RXFP1: variants seen among roughly 807,000 people sequenced by gnomAD.
The protein encoded by RXFP1 is relaxin receptor 1.
A neutral mutation model predicts 89.8 loss-of-function variants in RXFP1; 73 were observed. The observed-to-expected ratio is 0.81, with a 90% CI of 0.67 to 0.99. The LOEUF (loss-of-function observed/expected upper bound fraction) is 0.99. RXFP1 is among the 50% of genes least tolerant of loss of function. RXFP1 has a pLI of 0.00. For synonymous variants in RXFP1, 277 were observed against 305.5 expected, an observed-to-expected ratio of 0.91 and a Z score of 0.97; for missense variants, 793 against 895.5, an observed-to-expected ratio of 0.89 and a Z score of 1.46.
intron 1 of RXFP1, among the ~76,000 whole-genome samples, chr4:158,524,924 T>C (rs1471043184): frequency 6.6e-6 from 1 of 152,210 alleles, no homozygotes; most frequent in Non-Finnish European, 1.5e-5. Context: ...TCCACTTTAG[T>C]ATTTTGCCAA....
chr4:158,545,751 G>A (rs1195137482), intron 1 of RXFP1, among the ~76,000 whole-genome samples: 1 of 152,194 alleles, frequency 6.6e-6, no homozygotes, highest in African/African-American at 2.4e-5. Context: ...TCAAAGATCA[G>A]ATGGCTGTAG....
intron 12 of RXFP1, 84 bp downstream of exon 12, chr4:158,633,560 C>T: frequency 2.4e-6 from 2 of 848,242 alleles, no homozygotes; most frequent in Non-Finnish European, 3.7e-6. Flanking sequence ...TAAAATTAGC[C>T]ATTTTTAAGT....
In RXFP1 at chr4:158,619,022, G is replaced by A. The variant is rs536291675; in HGVS notation, c.755+1817G>A. Among the ~76,000 whole-genome samples the A allele has an allele frequency of 2.6e-5, 4 of 152,006 alleles. No homozygotes were observed. In the East Asian group the frequency reaches 7.7e-4, roughly 29 times the overall value. ...TGAAAAGCTTGAAAATATAGAAGACGATGGGAATACATAATAGTGCAAAGT... is the reference window on the plus strand; with the variant it reads ...TGAAAAGCTTGAAAATATAGAAGACAATGGGAATACATAATAGTGCAAAGT... On this transcript the variant is annotated intron_variant, in intron 9 of 17. Coordinates refer to ENST00000307765, the MANE Select transcript of RXFP1 (RefSeq NM_021634.4).
At chr4:158,560,976 C>T (rs550234331) in intron 1 of RXFP1, among the ~76,000 whole-genome samples, 1 of 152,250 alleles carries the variant, frequency 6.6e-6, no homozygotes, top group East Asian at 1.9e-4. Context: ...AATCAACAAA[C>T]GAACAGTGTT....
chr4:158,553,517 A>C (rs1047063390), intron 1 of RXFP1, among the ~76,000 whole-genome samples: 1 of 152,174 alleles, frequency 6.6e-6, no homozygotes, highest in Admixed American at 6.5e-5. Flanking sequence ...CCATAACAAC[A>C]GCAAGGAAGC....
At chr4:158,639,433 A>G (rs1178364711) in intron 14 of RXFP1, 102 bp downstream of exon 14, 2 of 698,562 alleles carry the variant, frequency 2.9e-6, no homozygotes, top group Non-Finnish European at 5.0e-6. Flanking sequence ...CTAATTTGCC[A>G]GCTATAAACT....
chr4:158,559,393 C>T (rs1561008896), intron 1 of RXFP1, among the ~76,000 whole-genome samples: 1 of 152,170 alleles, frequency 6.6e-6, no homozygotes, highest in Non-Finnish European at 1.5e-5. Context: ...ATGTTTAATA[C>T]CATTAGATGA....
At chr4:158,564,889 C>T (rs910634344) in intron 1 of RXFP1, among the ~76,000 whole-genome samples, 5 of 152,194 alleles carry the variant, frequency 3.3e-5, no homozygotes, top group African/African-American at 7.2e-5. Flanking sequence ...ACTTTCCCAA[C>T]GTTTCCCTAT....
At chr4:158,650,024 T>C (rs1048566958) in intron 17 of RXFP1, among the ~76,000 whole-genome samples, 3 of 152,238 alleles carry the variant, frequency 2.0e-5, no homozygotes, top group Non-Finnish European at 4.4e-5. Context: ...AAACAAAATG[T>C]GGTACATACG....
chr4:158,631,642 T>C (rs1169514042), intron 11 of RXFP1, among the ~76,000 whole-genome samples: 1 of 152,078 alleles, frequency 6.6e-6, no homozygotes, highest in African/African-American at 2.4e-5. Flanking sequence ...TTGAATGAAG[T>C]CTAGAAGGAT....
intron 1 of RXFP1, among the ~76,000 whole-genome samples, chr4:158,568,734 G>A (rs1044516845): frequency 3.3e-5 from 5 of 152,106 alleles, no homozygotes; most frequent in African/African-American, 1.2e-4. Flanking sequence ...ATCAAACTAT[G>A]TGCTCTGAAA....
intron 1 of RXFP1, among the ~76,000 whole-genome samples, chr4:158,552,778 G>A (rs1224564309): frequency 6.6e-6 from 1 of 152,188 alleles, no homozygotes; most frequent in African/African-American, 2.4e-5. Flanking sequence ...TGCCCTCAAA[G>A]GGCCCTACAG....
chr4:158,569,742 GCAT>G (rs1315311746), intron 1 of RXFP1, among the ~76,000 whole-genome samples: 1 of 152,114 alleles, frequency 6.6e-6, no homozygotes, highest in African/African-American at 2.4e-5. Flanking sequence ...GTAATTTTCA[GCAT>G]CCCTAACCAG....
intron 12 of RXFP1, among the ~76,000 whole-genome samples, chr4:158,635,110 C>T (rs1580243235): frequency 6.6e-6 from 1 of 151,886 alleles, no homozygotes; most frequent in East Asian, 1.9e-4. Flanking sequence ...CTGTAGCTCA[C>T]TTTGAGCAAT....
At chr4:158,567,913 C>T (rs572731530) in intron 1 of RXFP1, among the ~76,000 whole-genome samples, 1 of 152,166 alleles carries the variant, frequency 6.6e-6, no homozygotes, top group Non-Finnish European at 1.5e-5. Context: ...CTTGTGGTGG[C>T]TTTGTTCTTT....
intron 2 of RXFP1, among the ~76,000 whole-genome samples, chr4:158,589,969 T>C (rs1171663510): frequency 1.3e-5 from 2 of 152,104 alleles, no homozygotes; most frequent in East Asian, 1.9e-4. Flanking sequence ...AGAGGATCCC[T>C]TGAGCCCAGG....
At chr4:158,547,623 G>C (rs1179962847) in intron 1 of RXFP1, among the ~76,000 whole-genome samples, 1 of 152,002 alleles carries the variant, frequency 6.6e-6, no homozygotes, top group African/African-American at 2.4e-5. Flanking sequence ...TGCTTTGAAT[G>C]CATCCCAGAG....
At chr4:158,577,419 A>C (rs548978717) in intron 2 of RXFP1, among the ~76,000 whole-genome samples, 4 of 152,318 alleles carry the variant, frequency 2.6e-5, no homozygotes, top group Admixed American at 1.3e-4. Context: ...TCTTTTCAGA[A>C]TATGTAAACC....
intron 6 of RXFP1, chr4:158,610,744 G>A (rs1335387628): frequency 7.8e-7 from 1 of 1,274,566 alleles, no homozygotes; most frequent in Non-Finnish European, 1.0e-6. Flanking sequence ...TTTTGTATAA[G>A]AGAACACCCT....
Sources: gnomAD v4.1 joint callset for allele counts (sites outside exome capture counted in the v4.1 genomes callset) on GRCh38, gnomAD v4.1.1 for gene constraint, MANE v1.5 for transcripts, NCBI Gene and HGNC (gene_info 2026-07-23, HGNC 2026-07-21) for gene names.